The following CA10 variants were observed in gnomAD, a reference collection of about 807,000 sequenced individuals.
CA10 encodes carbonic anhydrase-related protein 10.
In CA10, 14 loss-of-function variants were observed where a neutral mutation model predicts 44.2. The observed-to-expected ratio is 0.32, with a 90% confidence interval of 0.21 to 0.50. The LOEUF (loss-of-function observed/expected upper bound fraction) is 0.50. Ranked by LOEUF, CA10 falls within the 20% of genes least tolerant of loss-of-function variation. The pLI is 0.99. For synonymous variants in CA10, 159 were observed against 141.6 expected (o/e 1.12, Z -0.87); for missense variants, 350 against 409.7 (o/e 0.85, Z 1.26).
At chr17:51,986,868 C>T (rs1263175044) in intron 2 of CA10, among the ~76,000 whole-genome samples, 2 of 151,864 alleles carry the variant, frequency 1.3e-5, no homozygotes, top group African/African-American at 4.8e-5. Flanking sequence ...TAGATATCGG[C>T]ATGGATGTGC....
At chr17:51,777,153 G>C (rs555026452) in intron 3 of CA10, among the ~76,000 whole-genome samples, 1 of 152,344 alleles carries the variant, frequency 6.6e-6, no homozygotes, top group Admixed American at 6.5e-5. Context: ...TGTGTGAATA[G>C]TAGTAGCATT....
intron 3 of CA10, among the ~76,000 whole-genome samples, chr17:51,784,743 T>C (rs575704097): frequency 4.1e-4 from 63 of 152,360 alleles, no homozygotes; most frequent in African/African-American, 1.5e-3. Context: ...GAACGGAGTA[T>C]CCATCCCCTC....
intron 1 of CA10, among the ~76,000 whole-genome samples, chr17:52,150,576 G>C (rs1459055412): frequency 6.6e-6 from 1 of 152,092 alleles, no homozygotes; most frequent in Non-Finnish European, 1.5e-5. Context: ...CATAGAGTGG[G>C]TAAAATGGAT....
chr17:51,768,817 C>G (rs1905488081), intron 3 of CA10, among the ~76,000 whole-genome samples: 1 of 152,174 alleles, frequency 6.6e-6, no homozygotes. Context: ...TGTTAAAGCT[C>G]TCTTTCCAGC....
chr17:52,066,338 G>A (rs1236283350), intron 2 of CA10, among the ~76,000 whole-genome samples: 1 of 152,174 alleles, frequency 6.6e-6, no homozygotes, highest in Non-Finnish European at 1.5e-5. Context: ...TATGGACAAT[G>A]AAATACAGCA....
intron 2 of CA10, among the ~76,000 whole-genome samples, chr17:52,063,118 G>A (rs945902030): frequency 6.6e-6 from 1 of 152,144 alleles, no homozygotes; most frequent in Non-Finnish European, 1.5e-5. Context: ...TGCCCTGCTG[G>A]GTTTTAGACT....
At chr17:51,694,898 A>G (rs984756955) in intron 4 of CA10, among the ~76,000 whole-genome samples, 4 of 152,164 alleles carry the variant, frequency 2.6e-5, no homozygotes, top group African/African-American at 9.7e-5. Flanking sequence ...TTCCAGCACC[A>G]TTTATTGAAT....
chr17:51,764,049 T>A (rs1247379593), intron 3 of CA10, among the ~76,000 whole-genome samples: 3 of 142,492 alleles, frequency 2.1e-5, no homozygotes, highest in South Asian at 2.1e-4. Context: ...ACTCTACAAA[T>A]AAAATAAAAT....
intron 2 of CA10, among the ~76,000 whole-genome samples, chr17:51,947,612 A>G (rs1361554991): frequency 6.6e-6 from 1 of 152,174 alleles, no homozygotes; most frequent in Non-Finnish European, 1.5e-5. Context: ...CTACACATGC[A>G]AAGTTTTAAC....
intron 4 of CA10, among the ~76,000 whole-genome samples, chr17:51,738,242 G>A (rs957239125): frequency 4.6e-5 from 7 of 152,166 alleles, no homozygotes; most frequent in African/African-American, 7.2e-5. Context: ...AAAGTTTATC[G>A]ATATGTCAGT....
At chr17:51,672,231 C>T (rs1347886446) in intron 4 of CA10, among the ~76,000 whole-genome samples, 1 of 152,224 alleles carries the variant, frequency 6.6e-6, no homozygotes, top group Non-Finnish European at 1.5e-5. Flanking sequence ...AACAATACTA[C>T]TGCTGCTACC....
chr17:51,674,389 A>G (rs974183321), intron 4 of CA10, among the ~76,000 whole-genome samples: 1 of 152,160 alleles, frequency 6.6e-6, no homozygotes, highest in Non-Finnish European at 1.5e-5. Context: ...CAAGCACTTT[A>G]TCCTTCTTCT....
At chr17:52,029,624 T>A (rs1234954492) in intron 2 of CA10, among the ~76,000 whole-genome samples, 1 of 151,942 alleles carries the variant, frequency 6.6e-6, no homozygotes, top group African/African-American at 2.4e-5. Context: ...CCCATCACTG[T>A]TGTGGAAGAT....
At chr17:51,884,541 C>T (rs1304102254) in intron 3 of CA10, among the ~76,000 whole-genome samples, 1 of 152,178 alleles carries the variant, frequency 6.6e-6, no homozygotes, top group Non-Finnish European at 1.5e-5. Context: ...CTCATTGAGG[C>T]TTTCCATGAC....
intron 1 of CA10, among the ~76,000 whole-genome samples, chr17:52,149,457 A>C (rs1989657650): frequency 6.6e-6 from 1 of 152,210 alleles, no homozygotes. Context: ...TTACCAGCCC[A>C]ATCTTGCTAA....
At chr17:51,753,906 T>G (rs548228387) in intron 3 of CA10, among the ~76,000 whole-genome samples, 1 of 152,252 alleles carries the variant, frequency 6.6e-6, no homozygotes, top group South Asian at 2.1e-4. Context: ...TGCAGTGGCG[T>G]GATCTTGGCT....
intron 3 of CA10, among the ~76,000 whole-genome samples, chr17:51,831,914 G>C (rs931547381): frequency 6.6e-6 from 1 of 152,136 alleles, no homozygotes; most frequent in Admixed American, 6.5e-5. Context: ...GAGGGAAGGG[G>C]TTGCTAGATA....
intron 4 of CA10, among the ~76,000 whole-genome samples, chr17:51,708,062 C>T (rs985014469): frequency 3.9e-5 from 6 of 152,206 alleles, no homozygotes; most frequent in South Asian, 2.1e-4. Context: ...TCATGAAAGA[C>T]GTGATCTGTC....
intron 3 of CA10, among the ~76,000 whole-genome samples, chr17:51,890,603 G>T (rs1420522931): frequency 1.3e-5 from 2 of 152,114 alleles, no homozygotes; most frequent in African/African-American, 4.8e-5. Flanking sequence ...GAAGTAGTCA[G>T]GGTATGAATA....
Sources: allele counts gnomAD v4.1 joint callset (sites outside exome capture counted in the v4.1 genomes callset), GRCh38; gene constraint gnomAD v4.1.1; transcripts MANE v1.5; gene names NCBI Gene and HGNC (gene_info 2026-07-23, HGNC 2026-07-21).